ST8SIA6: variants seen among roughly 807,000 people sequenced by gnomAD.
The protein encoded by ST8SIA6 is alpha-2,8-sialyltransferase 8F.
In ST8SIA6, 39 loss-of-function variants were observed where a neutral mutation model predicts 33.6. That is an observed-to-expected ratio of 1.16 (90% CI 0.90 to 1.52). ST8SIA6 has a LOEUF of 1.52. Ranked by LOEUF, ST8SIA6 falls within the 40% of genes most tolerant of loss-of-function variation. The pLI is 0.00. For missense variants in ST8SIA6, 441 were observed against 443.8 expected, an observed-to-expected ratio of 0.99 and a Z score of 0.06; for synonymous variants, 172 against 167.2, an observed-to-expected ratio of 1.03 and a Z score of -0.22.
chr10:17,423,574 T>G (rs1851844919), intron 2 of ST8SIA6, among the ~76,000 whole-genome samples: 1 of 152,208 alleles, frequency 6.6e-6, no homozygotes, highest in Non-Finnish European at 1.5e-5. Context: ...TCCAGGCTTT[T>G]CTGGGTTGTT....
intron 3 of ST8SIA6, among the ~76,000 whole-genome samples, chr10:17,377,984 A>G (rs927689470): frequency 6.6e-6 from 1 of 152,182 alleles, no homozygotes; most frequent in Non-Finnish European, 1.5e-5. Context: ...CTTTTATAAC[A>G]ACAGGCAATT....
chr10:17,434,795 A>C (rs1327686483), intron 2 of ST8SIA6, among the ~76,000 whole-genome samples: 3 of 152,188 alleles, frequency 2.0e-5, no homozygotes, highest in Non-Finnish European at 4.4e-5. Context: ...ACTTGGGTAA[A>C]GTAAATAATG....
intron 2 of ST8SIA6, among the ~76,000 whole-genome samples, chr10:17,446,881 CA>C (rs539808399): frequency 0.019 from 2,525 of 133,408 alleles, 29 homozygotes; most frequent in Non-Finnish European, 0.026. Flanking sequence ...TGGTGTCTAC[CA>C]AAAAAAAAAA....
chr10:17,367,364 C>G (rs1395411155), intron 3 of ST8SIA6, among the ~76,000 whole-genome samples: 3 of 152,038 alleles, frequency 2.0e-5, no homozygotes, highest in Non-Finnish European at 4.4e-5. Flanking sequence ...CTCTTGAGAC[C>G]TATTTACTGT....
intron 2 of ST8SIA6, among the ~76,000 whole-genome samples, chr10:17,407,722 T>C (rs1851318045): frequency 6.6e-6 from 1 of 152,160 alleles, no homozygotes; most frequent in Admixed American, 6.5e-5. Flanking sequence ...TCCCAGACAA[T>C]GCCAGTCCCA....
intron 2 of ST8SIA6, among the ~76,000 whole-genome samples, chr10:17,407,245 A>G (rs533461425): frequency 1.3e-5 from 2 of 152,298 alleles, no homozygotes; most frequent in African/African-American, 2.4e-5. Flanking sequence ...ATATGTCACC[A>G]TAGTAACAAT....
intron 3 of ST8SIA6, among the ~76,000 whole-genome samples, chr10:17,389,311 C>T (rs185419580): frequency 1.3e-5 from 2 of 152,224 alleles, no homozygotes; most frequent in African/African-American, 4.8e-5. Context: ...CTTGATAAAT[C>T]GGTTCTGTCT....
chr10:17,432,640 T>C (rs1286646863), intron 2 of ST8SIA6, among the ~76,000 whole-genome samples: 1 of 152,192 alleles, frequency 6.6e-6, no homozygotes, highest in Non-Finnish European at 1.5e-5. Flanking sequence ...CTGATTTAGA[T>C]CCTGCTTAAT....
At chr10:17,415,877 T>A (rs954498868) in intron 2 of ST8SIA6, among the ~76,000 whole-genome samples, 1 of 146,916 alleles carries the variant, frequency 6.8e-6, no homozygotes, top group African/African-American at 2.5e-5. Context: ...TGGCATGATA[T>A]CGGCTCACTG....
intron 3 of ST8SIA6, among the ~76,000 whole-genome samples, chr10:17,363,948 C>T (rs1232447388): frequency 6.6e-6 from 1 of 152,176 alleles, no homozygotes; most frequent in Non-Finnish European, 1.5e-5. Context: ...CCACATCTAA[C>T]TCATCAAATA....
At chr10:17,328,849 T>G (rs556552605) in intron 5 of ST8SIA6, among the ~76,000 whole-genome samples, 167 of 152,312 alleles carry the variant, frequency 1.1e-3, no homozygotes, top group Admixed American at 2.9e-3. Context: ...AAGGGGCCAC[T>G]GGTAAATATT....
chr10:17,388,182 CG>C (rs1167387963), intron 3 of ST8SIA6, among the ~76,000 whole-genome samples: 1 of 152,200 alleles, frequency 6.6e-6, no homozygotes, highest in African/African-American at 2.4e-5. Context: ...AATTGTTAAA[CG>C]GTTTCTCTTT....
intron 2 of ST8SIA6, among the ~76,000 whole-genome samples, chr10:17,450,755 T>C (rs2131750778): frequency 6.6e-6 from 1 of 152,292 alleles, no homozygotes; most frequent in South Asian, 2.1e-4. Context: ...TTGGATAGCA[T>C]CTTAAAGTGA....
intron 4 of ST8SIA6, among the ~76,000 whole-genome samples, chr10:17,341,744 A>G (rs1265227685): frequency 1.3e-5 from 2 of 151,780 alleles, no homozygotes; most frequent in Non-Finnish European, 2.9e-5. Context: ...TACTAAAAAT[A>G]CAAAAAATTA....
chr10:17,443,948 A>G (rs553540112), intron 2 of ST8SIA6, among the ~76,000 whole-genome samples: 1 of 152,304 alleles, frequency 6.6e-6, no homozygotes, highest in South Asian at 2.1e-4. Flanking sequence ...CTGACTCTAA[A>G]AGGAATCGCT....
intron 4 of ST8SIA6, among the ~76,000 whole-genome samples, chr10:17,354,848 C>CA (rs1460178472): frequency 6.6e-6 from 1 of 152,164 alleles, no homozygotes; most frequent in Non-Finnish European, 1.5e-5. Flanking sequence ...GAAACGTGTA[C>CA]AAAATCTCAC....
At chr10:17,448,015 G>T (rs529599612) in intron 2 of ST8SIA6, among the ~76,000 whole-genome samples, 1 of 152,154 alleles carries the variant, frequency 6.6e-6, no homozygotes, top group East Asian at 1.9e-4. Flanking sequence ...TGGCTGGGCT[G>T]GTCTCAAACT....
intron 4 of ST8SIA6, among the ~76,000 whole-genome samples, chr10:17,333,439 T>C (rs1848364372): frequency 6.6e-6 from 1 of 151,366 alleles, no homozygotes; most frequent in Admixed American, 6.6e-5. Flanking sequence ...GCCAAGACAG[T>C]CCTAAGCAAA....
At chr10:17,395,062 A>C (rs536632062) in intron 2 of ST8SIA6, among the ~76,000 whole-genome samples, 11 of 152,220 alleles carry the variant, frequency 7.2e-5, no homozygotes, top group Non-Finnish European at 1.6e-4. Flanking sequence ...CCTGTCGGAG[A>C]TAATTGAATC....
Sources: allele counts gnomAD v4.1 joint callset (sites outside exome capture counted in the v4.1 genomes callset), GRCh38; gene constraint gnomAD v4.1.1; transcripts MANE v1.5; gene names NCBI Gene and HGNC (gene_info 2026-07-23, HGNC 2026-07-21).